CPED1: variants seen among roughly 807,000 people sequenced by gnomAD.
CPED1 encodes cadherin-like and PC-esterase domain-containing protein 1.
In CPED1, 114 loss-of-function variants were observed where a neutral mutation model predicts 128.2. That is an observed-to-expected ratio of 0.89 (90% CI 0.76 to 1.04). CPED1 has a LOEUF of 1.04. Among genes scored for constraint, CPED1 ranks in the 50% least tolerant of loss-of-function variants. The probability of loss-of-function intolerance (pLI) is 0.00; values close to 1 mark genes in which losing one functional copy is unlikely to be tolerated. For missense variants in CPED1, 1,211 were observed against 1,207.1 expected (o/e 1.00, Z -0.05); for synonymous variants, 462 against 426.7 (o/e 1.08, Z -1.02).
intron 2 of CPED1, among the ~76,000 whole-genome samples, chr7:120,996,566 T>G (rs1796409572): frequency 6.6e-6 from 1 of 152,162 alleles, no homozygotes; most frequent in Admixed American, 6.5e-5. Context: ...GTAGACATGG[T>G]GCTCCTTTTT....
chr7:121,077,476 C>T (rs960805588), intron 5 of CPED1, among the ~76,000 whole-genome samples: 1 of 151,968 alleles, frequency 6.6e-6, no homozygotes, highest in Non-Finnish European at 1.5e-5. Flanking sequence ...CTTTCCCATT[C>T]ATGTGCAATT....
intron 16 of CPED1, among the ~76,000 whole-genome samples, chr7:121,216,268 G>T (rs989785656): frequency 2.3e-5 from 3 of 128,146 alleles, no homozygotes; most frequent in Non-Finnish European, 5.3e-5. Context: ...TTCCATCTCT[G>T]GTCCAAAGTG....
intron 3 of CPED1, among the ~76,000 whole-genome samples, chr7:121,046,008 T>G (rs1215821947): frequency 1.3e-5 from 2 of 152,078 alleles, no homozygotes; most frequent in Non-Finnish European, 2.9e-5. Context: ...ACCAATTATA[T>G]GTAGGGCATG....
chr7:121,155,108 C>T (rs1456739439), intron 16 of CPED1, among the ~76,000 whole-genome samples: 1 of 152,010 alleles, frequency 6.6e-6, no homozygotes, highest in Non-Finnish European at 1.5e-5. Context: ...AAGGAGGCAA[C>T]CCCATTTATA....
At chr7:121,173,544 A>G (rs2116475155) in intron 16 of CPED1, among the ~76,000 whole-genome samples, 1 of 152,192 alleles carries the variant, frequency 6.6e-6, no homozygotes, top group Admixed American at 6.5e-5. Context: ...AGCTCCATGC[A>G]TGTTCCTACA....
intron 15 of CPED1, 56 bp from the exon 16 acceptor site, chr7:121,141,917 G>C: frequency 7.1e-7 from 1 of 1,406,842 alleles, no homozygotes; most frequent in Non-Finnish European, 1.0e-6. Context: ...AATCAGTTTG[G>C]GCTGAATAAA....
Position 121,127,090 on chromosome 7 carries a change from G to A in CPED1, c.1135G>A (p.Val379Ile). The A allele has an allele frequency of 1.3e-6, 2 of 1,581,802 alleles. No individual in the cohort carries two copies. The highest frequency in any genetic ancestry group is 2.3e-5 in the South Asian group (2 of 88,316). Reference sequence around the variant, plus strand: ...TTGCTGTGCTTTTGTTCTTTCAAAGGTACACGAGCATTTAAATTTTCAAGA... The same window carrying A: ...TTGCTGTGCTTTTGTTCTTTCAAAGATACACGAGCATTTAAATTTTCAAGA... Reference protein sequence around the residue: ...GSFMYPVVLQVHEHLNFQDYD... With the variant: ...GSFMYPVVLQIHEHLNFQDYD... The change falls in exon 10 of 23, where the codon GTA becomes ATA. Residue 379 changes from valine to isoleucine, a missense_variant and splice_region_variant. Val to Ile is a conservative substitution (Grantham distance 29). Transcript: ENST00000310396.
At chr7:121,162,578 C>CTACT (rs1796435932) in intron 16 of CPED1, among the ~76,000 whole-genome samples, 1 of 152,108 alleles carries the variant, frequency 6.6e-6, no homozygotes. Flanking sequence ...TCAAAAAAAC[C>CTACT]TACTTTGATT....
intron 16 of CPED1, among the ~76,000 whole-genome samples, chr7:121,202,860 A>G (rs1015952593): frequency 6.6e-6 from 1 of 152,142 alleles, no homozygotes; most frequent in African/African-American, 2.4e-5. Flanking sequence ...TCAATGCTAT[A>G]ACCCAGGTCT....
intron 3 of CPED1, among the ~76,000 whole-genome samples, chr7:121,029,689 T>C (rs991888267): frequency 6.6e-6 from 1 of 152,192 alleles, no homozygotes; most frequent in Non-Finnish European, 1.5e-5. Context: ...TTTTGTGTGG[T>C]ACCTGAAATT....
intron 2 of CPED1, among the ~76,000 whole-genome samples, chr7:121,005,247 A>T (rs1791977675): frequency 6.6e-6 from 1 of 152,154 alleles, no homozygotes; most frequent in African/African-American, 2.4e-5. Flanking sequence ...TGTCCCTGCA[A>T]AGGACATGAA....
chr7:121,022,610 T>C (rs1792471251), intron 3 of CPED1, among the ~76,000 whole-genome samples: 1 of 151,868 alleles, frequency 6.6e-6, no homozygotes, highest in Admixed American at 6.6e-5. Flanking sequence ...TCAGGAGATG[T>C]AGGTTTGTGG....
chr7:121,117,095 A>G (rs1252205534), intron 7 of CPED1, among the ~76,000 whole-genome samples: 1 of 143,948 alleles, frequency 6.9e-6, no homozygotes, highest in Non-Finnish European at 1.5e-5. Flanking sequence ...ATATATATAT[A>G]TATAAATATA....
intron 6 of CPED1, 93 bp from the exon 7 acceptor site, chr7:121,099,833 A>G (rs1794799311): frequency 1.5e-6 from 2 of 1,335,996 alleles, no homozygotes; most frequent in Middle Eastern, 1.9e-4. Context: ...CCTACAAAGG[A>G]TAGAAGCAGT....
chr7:121,264,565 T>C (rs1792086116), intron 18 of CPED1, among the ~76,000 whole-genome samples: 1 of 152,044 alleles, frequency 6.6e-6, no homozygotes, highest in Admixed American at 6.6e-5. Context: ...TTGGAGAAGC[T>C]TTCTAGATTT....
chr7:121,133,555 C>T (rs183543898), intron 12 of CPED1, among the ~76,000 whole-genome samples: 1 of 152,184 alleles, frequency 6.6e-6, no homozygotes, highest in Admixed American at 6.6e-5. Flanking sequence ...TGGACCCAAG[C>T]TATCTGAGAT....
intron 7 of CPED1, among the ~76,000 whole-genome samples, chr7:121,106,880 C>A (rs904191156): frequency 1.3e-5 from 2 of 152,212 alleles, no homozygotes; most frequent in Non-Finnish European, 2.9e-5. Flanking sequence ...ATTTCTGTTA[C>A]ACCTTGCCGA....
At chr7:121,130,102 A>T in intron 11 of CPED1, 23 bp from the exon 12 acceptor site, 3 of 1,587,344 alleles carry the variant, frequency 1.9e-6, no homozygotes, top group Non-Finnish European at 1.7e-6. Flanking sequence ...TCCATAACTT[A>T]TACTGATATT....
At chr7:121,147,639 G>T (rs1796056578) in intron 16 of CPED1, among the ~76,000 whole-genome samples, 1 of 151,968 alleles carries the variant, frequency 6.6e-6, no homozygotes, top group Admixed American at 6.6e-5. Flanking sequence ...ATGATCTATG[G>T]TATCATATAC....
Sources: gnomAD v4.1 joint callset for allele counts (sites outside exome capture counted in the v4.1 genomes callset) on GRCh38, gnomAD v4.1.1 for gene constraint, MANE v1.5 for transcripts, NCBI Gene and HGNC (gene_info 2026-07-23, HGNC 2026-07-21) for gene names.